Variants in CCND3 observed in about 807,000 individuals in gnomAD.
CCND3 encodes the protein cyclin D3, also known as G1/S-specific cyclin-D3.
Under a neutral mutation model 28.7 loss-of-function variants are expected in CCND3, and 9 were observed. The observed-to-expected ratio is 0.31, with a 90% CI of 0.19 to 0.55. CCND3 has a LOEUF of 0.55. CCND3 is among the 20% of genes least tolerant of loss of function. The pLI is 0.93. For synonymous variants in CCND3, 164 were observed against 163.9 expected, an observed-to-expected ratio of 1.00 and a Z score of 0.00; for missense variants, 315 against 385.8, an observed-to-expected ratio of 0.82 and a Z score of 1.54.
chr6:41,983,540 A>T (rs1762404860), intron 1 of CCND3, among the ~76,000 whole-genome samples: 1 of 152,116 alleles, frequency 6.6e-6, no homozygotes, highest in Non-Finnish European at 1.5e-5. Flanking sequence ...ATTATTAACT[A>T]TAATCACCAT....
At position 41,939,145 on chromosome 6, in the gene CCND3, G is replaced by A. The variant is rs976233996; in HGVS notation, c.414+1225C>T. ...CAGATTCATCACAAAGAGCTGTGGC[G>A]CCTCCTGGATTCCCAACTCTGGCCT... On this transcript the variant is annotated intron_variant, in intron 2 of 4. Transcript: ENST00000372991. This position sits in a 1 kb window ranked among gnomAD's most constrained non-coding sequence, Gnocchi z 4.2. Among the ~76,000 whole-genome samples the A allele has an allele frequency of 2.6e-5, 4 of 152,170 alleles. No homozygotes were observed. The highest frequency in any genetic ancestry group is 6.5e-5 in the Admixed American group (1 of 15,272).
Position 41,941,017 on chromosome 6 carries a change from C to A in CCND3, c.199-432G>T, listed in dbSNP as rs1028703367. The stretch of plus-strand genomic sequence containing the variant: ...CTTTTCATTTCCCTGTCGGCCGGAA[C>A]AGGGCGCGCGCCACCCCCATCGCCT... On this transcript the variant is annotated intron_variant, in intron 1 of 4. Coordinates refer to ENST00000372991, the MANE Select transcript of CCND3 (RefSeq NM_001760.5). The surrounding 1 kb of genome is among the most constrained non-coding windows in gnomAD (Gnocchi z 6.1). The A allele has an allele frequency of 9.9e-6, 16 of 1,611,016 alleles. No individual in the cohort carries two copies. In the African/African-American group the frequency reaches 1.7e-4, roughly 17 times the overall value.
At position 41,979,511 on chromosome 6, in the gene CCND3, G is replaced by A. The variant is rs577951214; in HGVS notation, c.-45-38926C>T. ...ATTGTGCCACTGCACTCCAGCCTGG[G>A]TGACAGAGTGAGACTCCACTTCAAA... On this transcript the variant is annotated intron_variant, in intron 1 of 4. Transcript: ENST00000372988. Among the ~76,000 whole-genome samples, 766 of 145,382 alleles carry A rather than the reference G, an allele frequency of 5.3e-3. 7 individuals carry two copies. The highest frequency in any genetic ancestry group is 7.6e-3 in the Non-Finnish European group (506 of 66,898).
chr6:41,981,149 T>C (rs759066960), intron 1 of CCND3, among the ~76,000 whole-genome samples: 1 of 152,178 alleles, frequency 6.6e-6, no homozygotes, highest in Non-Finnish European at 1.5e-5. Context: ...AAAAAATCCT[T>C]CTGGGACTAA....
At chr6:42,005,625 C>T (rs1763154838) in intron 1 of CCND3, among the ~76,000 whole-genome samples, 1 of 150,996 alleles carries the variant, frequency 6.6e-6, no homozygotes, top group East Asian at 1.9e-4. Context: ...TTGAGGAGCC[C>T]AAGGTAGGAG....
intron 1 of CCND3, among the ~76,000 whole-genome samples, chr6:41,967,788 G>A (rs1180909706): frequency 6.6e-6 from 1 of 152,236 alleles, no homozygotes; most frequent in Non-Finnish European, 1.5e-5. Context: ...ATGCAGCTGC[G>A]TGATTCTTTC....
chr6:41,989,272 A>G (rs1762583358), intron 1 of CCND3, among the ~76,000 whole-genome samples: 1 of 151,872 alleles, frequency 6.6e-6, no homozygotes, highest in South Asian at 2.1e-4. Context: ...CGGCCTGGCC[A>G]ACATGGTGAA....
intron 1 of CCND3, among the ~76,000 whole-genome samples, chr6:42,019,037 T>G (rs758886489): frequency 3.9e-5 from 6 of 152,144 alleles, no homozygotes; most frequent in Non-Finnish European, 5.9e-5. Flanking sequence ...ATACACAAAT[T>G]AGATATTCTT....
At chr6:42,041,845 G>A (rs4333413) in intron 1 of CCND3, among the ~76,000 whole-genome samples, 6 of 152,004 alleles carry the variant, frequency 3.9e-5, no homozygotes, top group Non-Finnish European at 8.8e-5. Context: ...CTCCTGCCCC[G>A]GGCTGGTCCT....
chr6:42,015,608 G>T (rs1407145983), intron 1 of CCND3, among the ~76,000 whole-genome samples: 3 of 152,024 alleles, frequency 2.0e-5, no homozygotes, highest in Non-Finnish European at 2.9e-5. Context: ...TATTCCGGAG[G>T]CTGAGGCAGG....
chr6:42,012,900 G>C (rs1387693329), intron 1 of CCND3, among the ~76,000 whole-genome samples: 1 of 152,156 alleles, frequency 6.6e-6, no homozygotes, highest in African/African-American at 2.4e-5. Context: ...AGATGGGAAA[G>C]TCACCCCCTC....
chr6:42,047,595 T>C (rs1411565855), intron 1 of CCND3, among the ~76,000 whole-genome samples: 1 of 152,194 alleles, frequency 6.6e-6, no homozygotes, highest in Non-Finnish European at 1.5e-5. Flanking sequence ...TGTACCCAGC[T>C]GGGAATTCCT....
intron 1 of CCND3, chr6:41,940,788 T>C (rs2127394312): frequency 1.2e-6 from 1 of 859,270 alleles, no homozygotes; most frequent in East Asian, 2.5e-5. Flanking sequence ...CCTCCTCCCC[T>C]CTCCCCTTGA....
In CCND3 at chr6:41,935,325, C is replaced by T. The variant is rs747739901; in HGVS notation, c.*615G>A. On this transcript the variant is annotated 3_prime_UTR_variant, in exon 5 of 5. Transcript: ENST00000372991. ...ATAAATTAAAATGAGCCTTCAGCAGCAAAGCTGTCAATCACACAGGAGAAG... is the reference window on the plus strand; with the variant it reads ...ATAAATTAAAATGAGCCTTCAGCAGTAAAGCTGTCAATCACACAGGAGAAG... The T allele has an allele frequency of 2.8e-4, 65 of 234,510 alleles. 1 individual carries two copies. The highest frequency in any genetic ancestry group is 4.7e-4 in the Non-Finnish European group (56 of 118,720). 14.5% of individuals were successfully genotyped at this position (234,510 alleles called of 1,614,324 possible).
At chr6:41,980,201 T>C (rs1478436398) in intron 1 of CCND3, among the ~76,000 whole-genome samples, 1 of 151,582 alleles carries the variant, frequency 6.6e-6, no homozygotes, top group Non-Finnish European at 1.5e-5. Context: ...AGTGGCACAA[T>C]CTTGGCTCGC....
At position 41,936,302 on chromosome 6, in the gene CCND3, C is replaced by CT. The variant is rs2127390093; in HGVS notation, c.712-196dup. The CT allele has an allele frequency of 1.5e-6, 1 of 682,390 alleles. No individual in the cohort carries two copies. Among genetic ancestry groups the CT allele is most frequent in the Admixed American group, 3.0e-5 (1 of 33,690 alleles). The allele number at this position is 682,390 out of a possible 1,614,324, so 42.3% of individuals were successfully genotyped here. On this transcript the variant is annotated intron_variant, in intron 4 of 4. Transcript: ENST00000372991. The surrounding 1 kb of genome is among the most constrained non-coding windows in gnomAD (Gnocchi z 4.4). Reference sequence around the variant, plus strand: ...AGGGAGTGTGAGAGCAGCCCTGCATCTGACACCAAACCCCCCACCCCCACT... The same window carrying CT: ...AGGGAGTGTGAGAGCAGCCCTGCATCTTGACACCAAACCCCCCACCCCCACT...
chr6:42,005,406 G>A (rs909067957), intron 1 of CCND3, among the ~76,000 whole-genome samples: 1 of 151,842 alleles, frequency 6.6e-6, no homozygotes, highest in African/African-American at 2.4e-5. Context: ...GTTGGGCGTG[G>A]TGGTGCACGC....
chr6:41,984,029 A>AT (rs1477633006), intron 1 of CCND3, among the ~76,000 whole-genome samples: 1 of 152,170 alleles, frequency 6.6e-6, no homozygotes, highest in East Asian at 1.9e-4. Flanking sequence ...AATTTCACAT[A>AT]TAAGTGAATT....
intron 1 of CCND3, among the ~76,000 whole-genome samples, chr6:42,043,812 G>A (rs1582196493): frequency 6.6e-6 from 1 of 152,306 alleles, no homozygotes; most frequent in South Asian, 2.1e-4. Context: ...CTGGGCCAAC[G>A]ACGGAGGTAC....
Sources: allele counts gnomAD v4.1 joint callset (sites outside exome capture counted in the v4.1 genomes callset), GRCh38; gene constraint gnomAD v4.1.1; non-coding constraint Gnocchi (gnomAD v3.1); transcripts MANE v1.5; gene names NCBI Gene and HGNC (gene_info 2026-07-23, HGNC 2026-07-21).